The following KCNE1 variants were observed in gnomAD, a reference collection of about 807,000 sequenced individuals.
KCNE1 encodes potassium voltage-gated channel subfamily E regulatory subunit 1.
KCNE1 carries 1 observed loss-of-function variant against 2.9 expected under a neutral mutation model. The ratio of observed to expected loss-of-function variants is 0.34; its 90% CI spans 0.12 to 1.62. The LOEUF (loss-of-function observed/expected upper bound fraction) is 1.62, where lower values mean the gene tolerates loss of function less well. KCNE1 is among the 40% of genes most tolerant of loss of function. The pLI, the probability that KCNE1 is intolerant of heterozygous loss-of-function variation, is 0.36. For synonymous variants in KCNE1, 23 were observed against 65.4 expected (o/e 0.35, Z 3.13); for missense variants, 45 against 150.5 (o/e 0.30, Z 3.67).
intron 2 of KCNE1, among the ~76,000 whole-genome samples, chr21:34,508,496 T>G (rs1983639367): frequency 6.6e-6 from 1 of 152,028 alleles, no homozygotes; most frequent in African/African-American, 2.4e-5. Flanking sequence ...GCGCACACCA[T>G]CACACTCGGC....
chr21:34,511,612 G>A (rs1983842082), intron 1 of KCNE1, among the ~76,000 whole-genome samples: 1 of 152,242 alleles, frequency 6.6e-6, no homozygotes, highest in African/African-American at 2.4e-5. Context: ...TATGTACGGT[G>A]TGGTTTTCTG....
At chr21:34,501,775 TA>T (rs768155080) in intron 2 of KCNE1, among the ~76,000 whole-genome samples, 1 of 152,230 alleles carries the variant, frequency 6.6e-6, no homozygotes, top group East Asian at 1.9e-4. Flanking sequence ...CCCAGCCCCA[TA>T]CTATGATCTC....
intron 2 of KCNE1, among the ~76,000 whole-genome samples, chr21:34,504,283 T>A (rs1983344293): frequency 6.6e-6 from 1 of 152,144 alleles, no homozygotes; most frequent in Non-Finnish European, 1.5e-5. Flanking sequence ...AGACCCTTCC[T>A]CTCAAACCAA....
intron 2 of KCNE1, among the ~76,000 whole-genome samples, chr21:34,504,446 T>C (rs1448451408): frequency 6.6e-6 from 1 of 152,122 alleles, no homozygotes; most frequent in Non-Finnish European, 1.5e-5. Flanking sequence ...TGTGGAGAGA[T>C]CAGAACACTC....
rs537649892 is a variant in KCNE1, at chr21:34,506,941, A to G, written c.-162+4160T>C. On this transcript the variant is annotated intron_variant, in intron 2 of 3. Transcript: ENST00000399286. Reference sequence around the variant, plus strand: ...TGAAGCTGGAAAGTCAGAGGAAAGCATCGAAGGTGAAGGCACAGAGGTAGG... The same window carrying G: ...TGAAGCTGGAAAGTCAGAGGAAAGCGTCGAAGGTGAAGGCACAGAGGTAGG... 4.6e-5 allele frequency among the ~76,000 whole-genome samples: 7 copies of G among 152,342 alleles called. No individual in the cohort carries two copies. The South Asian group carries it at 1.2e-3, about 27-fold the overall frequency.
chr21:34,510,993 TG>T, intron 2 of KCNE1, 107 bp downstream of exon 2: 1 of 263,346 alleles, frequency 3.8e-6, no homozygotes, highest in Non-Finnish European at 5.9e-6. Context: ...GCCTGGCACC[TG>T]TCAATGGATG....
At chr21:34,510,910 C>CCTGGGAGGGTGGGGGCAGACG (rs1983805501) in intron 2 of KCNE1, 191 bp downstream of exon 2, 1 of 154,118 alleles carries the variant, frequency 6.5e-6, no homozygotes, top group Non-Finnish European at 1.4e-5. Context: ...AAGCCCGGCC[C>CCTGGGAGGGTGGGGGCAGACG]TGCCCCTGGG....
intron 2 of KCNE1, among the ~76,000 whole-genome samples, chr21:34,497,228 C>CTGT (rs754552515): frequency 5.9e-5 from 9 of 152,080 alleles, no homozygotes; most frequent in South Asian, 4.2e-4. Context: ...AATAACTTTT[C>CTGT]TGTTGTTGTT....
At chr21:34,499,009 C>T (rs924811754) in intron 2 of KCNE1, among the ~76,000 whole-genome samples, 3 of 152,136 alleles carry the variant, frequency 2.0e-5, no homozygotes, top group Non-Finnish European at 4.4e-5. Context: ...GAGAAATATC[C>T]ATCATGTGGG....
chr21:34,506,676 C>T (rs1307563000), intron 2 of KCNE1, among the ~76,000 whole-genome samples: 1 of 152,180 alleles, frequency 6.6e-6, no homozygotes, highest in East Asian at 1.9e-4. Flanking sequence ...TATTTCATTC[C>T]AAGCATTCTG....
At chr21:34,508,647 G>T (rs529816710) in intron 2 of KCNE1, among the ~76,000 whole-genome samples, 4 of 152,266 alleles carry the variant, frequency 2.6e-5, no homozygotes, top group Middle Eastern at 3.4e-3. Context: ...CCAGACTGGG[G>T]TTTTTTAATT....
At chr21:34,504,655 G>C (rs1983375381) in intron 2 of KCNE1, among the ~76,000 whole-genome samples, 1 of 152,158 alleles carries the variant, frequency 6.6e-6, no homozygotes, top group Non-Finnish European at 1.5e-5. Context: ...AAACCCAAAT[G>C]TTCATCAACT....
At chr21:34,496,149 G>A (rs932749195) in intron 2 of KCNE1, among the ~76,000 whole-genome samples, 1 of 151,788 alleles carries the variant, frequency 6.6e-6, no homozygotes, top group Non-Finnish European at 1.5e-5. Flanking sequence ...TCTCGGCTCA[G>A]TGCAAGCTCC....
chr21:34,505,315 A>T (rs1194953316), intron 2 of KCNE1, among the ~76,000 whole-genome samples: 2 of 152,156 alleles, frequency 1.3e-5, no homozygotes, highest in Non-Finnish European at 2.9e-5. Flanking sequence ...TTGTATTTTT[A>T]GTAGAGATGG....
intron 2 of KCNE1, chr21:34,510,301 A>C (rs1455041798): frequency 6.6e-6 from 1 of 152,370 alleles, no homozygotes; most frequent in East Asian, 1.9e-4. Flanking sequence ...ACTGGTGATG[A>C]GGGACCTACC....
intron 1 of KCNE1, among the ~76,000 whole-genome samples, chr21:34,511,753 C>T (rs1326405174): frequency 6.6e-6 from 1 of 152,226 alleles, no homozygotes; most frequent in African/African-American, 2.4e-5. Context: ...CTGCCCTGCC[C>T]TGCACACAGG....
chr21:34,505,962 T>G (rs1269707702), intron 2 of KCNE1, among the ~76,000 whole-genome samples: 1 of 152,174 alleles, frequency 6.6e-6, no homozygotes, highest in Non-Finnish European at 1.5e-5. Flanking sequence ...GGGGAAAAAG[T>G]TTTTTAACTA....
At chr21:34,499,403 G>C (rs1293351363) in intron 2 of KCNE1, among the ~76,000 whole-genome samples, 1 of 152,184 alleles carries the variant, frequency 6.6e-6, no homozygotes, top group African/African-American at 2.4e-5. Context: ...CCTATCTGTA[G>C]CAGTTCCCTT....
intron 1 of KCNE1, among the ~76,000 whole-genome samples, chr21:34,511,600 A>C (rs1983841581): frequency 6.6e-6 from 1 of 152,196 alleles, no homozygotes; most frequent in African/African-American, 2.4e-5. Context: ...TCTGTTACAA[A>C]TTATGTACGG....
Sources: allele counts gnomAD v4.1 joint callset (sites outside exome capture counted in the v4.1 genomes callset), GRCh38; gene constraint gnomAD v4.1.1; transcripts MANE v1.5; gene names NCBI Gene and HGNC (gene_info 2026-07-23, HGNC 2026-07-21).